Variants in AFF1 observed in about 807,000 individuals in gnomAD.
AFF1 encodes ALF transcription elongation factor 1, also known as AF4/FMR2 family member 1.
In AFF1, 48 loss-of-function variants were observed where a neutral mutation model predicts 121.7. The observed-to-expected ratio is 0.39, with a 90% CI of 0.31 to 0.50. The LOEUF (loss-of-function observed/expected upper bound fraction) is 0.50, where lower values mean the gene tolerates loss of function less well. Among genes scored for constraint, AFF1 ranks in the 20% least tolerant of loss-of-function variants. AFF1 has a pLI of 0.76. For synonymous variants in AFF1, 613 were observed against 563.0 expected (o/e 1.09, Z -1.26); for missense variants, 1,523 against 1,511.7 (o/e 1.01, Z -0.12).
chr4:87,009,520 TC>T (rs914317174), intron 2 of AFF1, among the ~76,000 whole-genome samples: 1 of 152,204 alleles, frequency 6.6e-6, no homozygotes, highest in Non-Finnish European at 1.5e-5. Flanking sequence ...TACCCCACCT[TC>T]CGACATGCCC....
chr4:86,954,181 C>T (rs903075475), intron 2 of AFF1, among the ~76,000 whole-genome samples: 2 of 152,150 alleles, frequency 1.3e-5, no homozygotes, highest in African/African-American at 4.8e-5. Context: ...TAAATATAAT[C>T]ATATAGCATA....
intron 16 of AFF1, among the ~76,000 whole-genome samples, chr4:87,130,421 C>T (rs1416565871): frequency 6.6e-6 from 1 of 152,200 alleles, no homozygotes; most frequent in Non-Finnish European, 1.5e-5. Flanking sequence ...GCTGCACTTG[C>T]CATATGCCAC....
At chr4:87,125,897 C>CGT (rs1425881863) in intron 13 of AFF1, among the ~76,000 whole-genome samples, 2 of 152,182 alleles carry the variant, frequency 1.3e-5, no homozygotes, top group African/African-American at 4.8e-5. Context: ...AGCTTAGAAA[C>CGT]TATACAGCTT....
At chr4:87,046,069 C>T (rs1730655391) in intron 2 of AFF1, 97 bp from the exon 3 acceptor site, 1 of 1,453,460 alleles carries the variant, frequency 6.9e-7, no homozygotes, top group Non-Finnish European at 9.4e-7. Context: ...TCTTCCCAGA[C>T]CTGTCCTCAC....
chr4:87,127,716 C>T lies in AFF1; in HGVS notation c.2964+13C>T, dbSNP rs766717162. On this transcript the variant is annotated intron_variant, in intron 16 of 20. Transcript: ENST00000395146. The stretch of plus-strand genomic sequence containing the variant: ...AGCAGAGTTAATGGTTAGTATTGGC[C>T]CTTTATCTCTTTGGTAGAATGTTTT... 40 of 1,613,096 alleles carry T rather than the reference C, an allele frequency of 2.5e-5. No individual in the cohort carries two copies. In the South Asian group the frequency reaches 4.2e-4, roughly 17 times the overall value.
chr4:87,084,089 T>C, intron 4 of AFF1, 31 bp from the exon 5 acceptor site: 1 of 1,612,334 alleles, frequency 6.2e-7, no homozygotes, highest in Non-Finnish European at 8.5e-7. Context: ...TCTGGTTTGC[T>C]AACCTTTTAT....
chr4:87,046,886 T>C lies in AFF1; in HGVS notation c.351T>C (p.Ser117=). The C allele has an allele frequency of 1.2e-6, 2 of 1,614,224 alleles. No individual in the cohort carries two copies. Among genetic ancestry groups the C allele is most frequent in the Non-Finnish European group, 1.7e-6 (2 of 1,180,040 alleles). ...SSIPSSSFHT[S]VHHQSIHTPA... ...TTCCATCCAGCTCCTTCCACACTAG[T>C]GTCCACCACCAGTCCATTCACACTC... Residue 117 remains serine, a synonymous_variant, in exon 4 of 21, where the codon AGT becomes AGC. Coordinates refer to ENST00000395146, the MANE Select transcript of AFF1 (RefSeq NM_001166693.3).
At chr4:87,120,030 G>A (rs1482428689) in intron 12 of AFF1, among the ~76,000 whole-genome samples, 2 of 152,146 alleles carry the variant, frequency 1.3e-5, no homozygotes, top group African/African-American at 4.8e-5. Context: ...ATTGACTAAG[G>A]CCACTTACAT....
rs1309138265 is a variant in AFF1, at chr4:86,985,165, T to TA, written c.38+36595dup. Among the ~76,000 whole-genome samples the TA allele has an allele frequency of 1.8e-4, 16 of 89,474 alleles. No homozygotes were observed. The East Asian group carries it at 2.6e-3, about 15-fold the overall frequency. The allele number at this position is 89,474 out of a possible 152,430, so 58.7% of individuals were successfully genotyped here. On this transcript the variant is annotated intron_variant, in intron 2 of 20. Coordinates refer to ENST00000395146, the MANE Select transcript of AFF1 (RefSeq NM_001166693.3). ...ATGCATAATATATAAAAATATAATA[T>TA]ATATAATATGTATTACTATATATAT...
At chr4:87,078,331 A>G (rs17668731) in intron 4 of AFF1, among the ~76,000 whole-genome samples, 20,015 of 152,272 alleles carry the variant, frequency 0.13, 1,792 homozygotes, top group Middle Eastern at 0.19. Context: ...TAAAGCCATA[A>G]GAGAAACTTA....
intron 2 of AFF1, among the ~76,000 whole-genome samples, chr4:87,039,416 C>T (rs1172991091): frequency 6.6e-6 from 1 of 152,232 alleles, no homozygotes; most frequent in Non-Finnish European, 1.5e-5. Context: ...CACCACCTTT[C>T]TGAAAGTGAG....
intron 10 of AFF1, among the ~76,000 whole-genome samples, chr4:87,106,387 A>C (rs1270636768): frequency 4.6e-5 from 7 of 152,248 alleles, no homozygotes; most frequent in African/African-American, 1.4e-4. Context: ...TGTCTCAAAA[A>C]AGGAGTTTAC....
At chr4:86,964,121 T>C (rs1443986659) in intron 2 of AFF1, among the ~76,000 whole-genome samples, 5 of 146,712 alleles carry the variant, frequency 3.4e-5, no homozygotes. Flanking sequence ...CCTGGGTTGT[T>C]CTTTTGGTTT....
At chr4:87,019,934 C>G (rs1727730016) in intron 2 of AFF1, among the ~76,000 whole-genome samples, 1 of 151,870 alleles carries the variant, frequency 6.6e-6, no homozygotes, top group Non-Finnish European at 1.5e-5. Context: ...GGATCTGACT[C>G]CATCTCCAGG....
At chr4:87,076,453 T>A (rs1722682760) in intron 4 of AFF1, among the ~76,000 whole-genome samples, 1 of 152,234 alleles carries the variant, frequency 6.6e-6, no homozygotes, top group Non-Finnish European at 1.5e-5. Context: ...TTTTAAGGAA[T>A]ATCCAAAACC....
chr4:87,060,137 A>G (rs1720587972), intron 4 of AFF1, among the ~76,000 whole-genome samples: 1 of 151,074 alleles, frequency 6.6e-6, no homozygotes, highest in Admixed American at 6.6e-5. Context: ...CTAAGTATTA[A>G]GTAATTTTTG....
intron 2 of AFF1, among the ~76,000 whole-genome samples, chr4:86,977,160 G>T (rs1242960418): frequency 6.6e-6 from 1 of 151,930 alleles, no homozygotes; most frequent in Non-Finnish European, 1.5e-5. Context: ...AAGACCCCCA[G>T]TGAGTCCTGA....
At chr4:87,018,921 C>T (rs909018869) in intron 2 of AFF1, among the ~76,000 whole-genome samples, 6 of 152,166 alleles carry the variant, frequency 3.9e-5, no homozygotes, top group South Asian at 2.1e-4. Flanking sequence ...TTAGAAAGGC[C>T]CCCAGGTCAG....
chr4:87,002,039 A>C (rs1161383914), intron 2 of AFF1, among the ~76,000 whole-genome samples: 1 of 152,196 alleles, frequency 6.6e-6, no homozygotes, highest in African/African-American at 2.4e-5. Flanking sequence ...ACAAATGCAT[A>C]CATTGAATGA....
Sources: gnomAD v4.1 joint callset for allele counts (sites outside exome capture counted in the v4.1 genomes callset) on GRCh38, gnomAD v4.1.1 for gene constraint, MANE v1.5 for transcripts, NCBI Gene and HGNC (gene_info 2026-07-23, HGNC 2026-07-21) for gene names.